The following AHCY variants were observed in gnomAD, a reference collection of about 807,000 sequenced individuals.
AHCY encodes adenosylhomocysteinase.
Under a neutral mutation model 45.4 loss-of-function variants are expected in AHCY, and 24 were observed. The observed-to-expected ratio is 0.53, with a 90% CI of 0.38 to 0.74. The LOEUF (loss-of-function observed/expected upper bound fraction) is 0.74. Among genes scored for constraint, AHCY ranks in the 30% least tolerant of loss-of-function variants. The probability of loss-of-function intolerance (pLI) is 0.00; values close to 1 mark genes in which losing one functional copy is unlikely to be tolerated. For synonymous variants in AHCY, 245 were observed against 235.1 expected, an observed-to-expected ratio of 1.04 and a Z score of -0.39; for missense variants, 449 against 594.1, an observed-to-expected ratio of 0.76 and a Z score of 2.54.
chr20:34,257,090 GT>G, the AHCY span, among the ~76,000 whole-genome samples: 154 of 88,322 alleles, frequency 1.7e-3, no homozygotes, highest in Non-Finnish European at 2.9e-3. Context: ...TTTGTTTTTT[GT>G]TTTTTGTTTT....
chr20:34,235,981 A>AAGGAAGGAGGAGGGAGGGAAGC, the AHCY span, among the ~76,000 whole-genome samples: 2 of 99,494 alleles, frequency 2.0e-5, no homozygotes, highest in South Asian at 2.9e-4. Context: ...GGGAGGGAAG[A>AAGGAAGGAGGAGGGAGGGAAGC]AGGAAAGAAG....
Position 34,290,534 on chromosome 20 carries a change from C to T in AHCY, c.854+17G>A. ...CCCTCCTCCCTCACTCCCCGGGACCCCCCATCTGGCACCTACCGGCCAAGG... is the reference window on the plus strand; with the variant it reads ...CCCTCCTCCCTCACTCCCCGGGACCTCCCATCTGGCACCTACCGGCCAAGG... On this transcript the variant is annotated intron_variant, in intron 7 of 9. Coordinates refer to ENST00000217426, the MANE Select transcript of AHCY (RefSeq NM_000687.4). This position sits in a 1 kb window ranked among gnomAD's most constrained non-coding sequence, Gnocchi z 4.5. 2 of 1,614,100 alleles carry T rather than the reference C, an allele frequency of 1.2e-6. No individual in the cohort carries two copies. Among genetic ancestry groups the T allele is most frequent in the East Asian group, 2.2e-5 (1 of 44,882 alleles).
the AHCY span, among the ~76,000 whole-genome samples, chr20:34,258,791 T>TA: frequency 1.8e-5 from 2 of 112,784 alleles, no homozygotes; most frequent in Non-Finnish European, 3.5e-5. Flanking sequence ...ATATATATAG[T>TA]GTATATATAA....
At chr20:34,267,839 T>G in the AHCY span, among the ~76,000 whole-genome samples, 11 of 122,696 alleles carry the variant, frequency 9.0e-5, no homozygotes, top group Non-Finnish European at 1.8e-4. Context: ...TTGATAACCA[T>G]ATTTAAAAAA....
the AHCY span, among the ~76,000 whole-genome samples, chr20:34,256,255 C>T: frequency 2.0e-5 from 3 of 152,210 alleles, no homozygotes; most frequent in Admixed American, 6.5e-5. Context: ...CCTTACCCTG[C>T]CCCCTTGTCT....
At chr20:34,298,083 G>T (rs2036630057) in intron 1 of AHCY, among the ~76,000 whole-genome samples, 1 of 152,128 alleles carries the variant, frequency 6.6e-6, no homozygotes, top group African/African-American at 2.4e-5. Flanking sequence ...AGGCTGCAAT[G>T]AGCTGAGATC....
At chr20:34,308,479 G>T (rs1475859259) in intron 1 of AHCY, among the ~76,000 whole-genome samples, 1 of 152,116 alleles carries the variant, frequency 6.6e-6, no homozygotes, top group Admixed American at 6.5e-5. Flanking sequence ...GAATCTGGGA[G>T]GTGGAGGTTG....
chr20:34,274,586 ATCT>A, the AHCY span, among the ~76,000 whole-genome samples: 1 of 152,138 alleles, frequency 6.6e-6, no homozygotes, highest in South Asian at 2.1e-4. Context: ...AAGCAGCTGC[ATCT>A]TCTTTTCTTG....
upstream of AHCY, among the ~76,000 whole-genome samples, chr20:34,306,135 T>C (rs1034547848): frequency 1.3e-5 from 2 of 151,666 alleles, no homozygotes; most frequent in African/African-American, 4.8e-5. Flanking sequence ...TGCCCTCTCA[T>C]TAATTAATGA....
chr20:34,236,797 T>G, the AHCY span, among the ~76,000 whole-genome samples: 3 of 152,368 alleles, frequency 2.0e-5, no homozygotes, highest in Admixed American at 6.5e-5. Flanking sequence ...TGATTGTATT[T>G]GCCTGGGAAA....
At chr20:34,295,171 G>A (rs980751125) in intron 2 of AHCY, 22 of 652,562 alleles carry the variant, frequency 3.4e-5, no homozygotes, top group Non-Finnish European at 5.5e-5. Flanking sequence ...TGCCTTGAGG[G>A]TAGCCAACAG....
the AHCY span, chr20:34,269,096 C>A: frequency 1.3e-6 from 2 of 1,571,062 alleles, no homozygotes; most frequent in Non-Finnish European, 1.7e-6. Context: ...CTGCTGCGAC[C>A]CGTGCGCCTC....
Position 34,290,670 on chromosome 20 carries a change from CGGTGGCCT to C in AHCY, c.767-40_767-33del. 6.2e-7 allele frequency: 1 copy of C among 1,613,956 alleles called. No homozygotes were observed. On this transcript the variant is annotated intron_variant, in intron 6 of 9. Coordinates refer to ENST00000217426, the MANE Select transcript of AHCY (RefSeq NM_000687.4). This position sits in a 1 kb window ranked among gnomAD's most constrained non-coding sequence, Gnocchi z 4.5. ...AGAGACAGTGGCTGTGGGTCATCTA[CGGTGGCCT>C]TGCCCCTCCCTCTGGCCCCAGTGGC...
At chr20:34,259,209 A>G in the AHCY span, among the ~76,000 whole-genome samples, 3 of 149,830 alleles carry the variant, frequency 2.0e-5, no homozygotes, top group African/African-American at 7.4e-5. Context: ...CTCTGTCTCA[A>G]AACAAACAAT....
intron 8 of AHCY, chr20:34,285,945 A>C: frequency 2.8e-6 from 1 of 351,456 alleles, no homozygotes; most frequent in Non-Finnish European, 5.5e-6. Context: ...CTAAAAAAAA[A>C]ATACAAAAAA....
At chr20:34,233,179 G>A in the AHCY span, among the ~76,000 whole-genome samples, 43 of 124,484 alleles carry the variant, frequency 3.5e-4, no homozygotes, top group Admixed American at 4.1e-3. Flanking sequence ...ACAGAGTCTC[G>A]CTCTGTTGCC....
intron 3 of AHCY, 145 bp from the exon 4 acceptor site, chr20:34,292,652 G>C: frequency 8.4e-7 from 1 of 1,192,120 alleles, no homozygotes; most frequent in Non-Finnish European, 1.2e-6. Context: ...CAGTGGTCAG[G>C]ACACAACTTG....
chr20:34,264,447 A>G, the AHCY span, among the ~76,000 whole-genome samples: 3 of 152,200 alleles, frequency 2.0e-5, no homozygotes, highest in Non-Finnish European at 4.4e-5. Flanking sequence ...GTATTTTTCA[A>G]TGTGTTTAAT....
intron 8 of AHCY, among the ~76,000 whole-genome samples, chr20:34,285,863 G>A (rs888834868): frequency 6.6e-6 from 1 of 152,204 alleles, no homozygotes; most frequent in Middle Eastern, 3.2e-3. Flanking sequence ...CACTTTGGAA[G>A]GCCGAGGCAG....
Sources: allele counts gnomAD v4.1 joint callset (sites outside exome capture counted in the v4.1 genomes callset), GRCh38; gene constraint gnomAD v4.1.1; non-coding constraint Gnocchi (gnomAD v3.1); transcripts MANE v1.5; gene names NCBI Gene and HGNC (gene_info 2026-07-23, HGNC 2026-07-21).